FRYL: variants seen among roughly 807,000 people sequenced by gnomAD.
FRYL encodes FRY like transcription coactivator.
FRYL carries 150 observed loss-of-function variants against 351.2 expected under a neutral mutation model. That is an observed-to-expected ratio of 0.43 (90% confidence interval 0.37 to 0.49). The LOEUF (loss-of-function observed/expected upper bound fraction) is 0.49, where lower values mean the gene tolerates loss of function less well. Ranked by LOEUF, FRYL falls within the 20% of genes least tolerant of loss-of-function variation. The pLI is 0.00. For missense variants in FRYL, 3,036 were observed against 3,619.3 expected (o/e 0.84, Z 4.13); for synonymous variants, 1,153 against 1,257.1 (o/e 0.92, Z 1.75).
At position 48,613,556 on chromosome 4, in the gene FRYL, T is replaced by TA. The variant is rs754886964; in HGVS notation, c.412-3734dup. 2.4e-4 allele frequency among the ~76,000 whole-genome samples: 36 copies of TA among 152,346 alleles called. 1 individual carries two copies. The highest frequency in any genetic ancestry group is 1.2e-3 in the East Asian group (6 of 5,192). ...TGTTTATAACACTTGTTAACAGTCT[T>TA]ACAAGACACAGGTATACCTCCTACT... On this transcript the variant is annotated intron_variant, in intron 7 of 63. Transcript: ENST00000358350.
chr4:48,506,554 T>C (rs1419466978), intron 59 of FRYL: 1 of 146,628 alleles, frequency 6.8e-6, no homozygotes, highest in Non-Finnish European at 1.5e-5. Flanking sequence ...CAGTTTGATA[T>C]TATCAGTTGT....
chr4:48,726,491 G>A (rs1201888881), intron 1 of FRYL, among the ~76,000 whole-genome samples: 1 of 152,128 alleles, frequency 6.6e-6, no homozygotes, highest in Non-Finnish European at 1.5e-5. Flanking sequence ...AGACCAGCCT[G>A]GCCAACATGG....
Position 48,775,454 on chromosome 4 carries a change from C to G in FRYL, c.-384+4624G>C, listed in dbSNP as rs369041154. Among the ~76,000 whole-genome samples the G allele has an allele frequency of 1.4e-3, 212 of 152,194 alleles. 1 individual carries two copies. The highest frequency in any genetic ancestry group is 4.5e-3 in the African/African-American group (188 of 41,526). On this transcript the variant is annotated intron_variant, in intron 1 of 63. Coordinates refer to ENST00000358350, the MANE Select transcript of FRYL (RefSeq NM_015030.2). The stretch of plus-strand genomic sequence containing the variant: ...AGATTTTTTTTTCAGCTGATTAGGC[C>G]GCCTGGCTGCTTACAGCTGGGTTTT...
intron 27 of FRYL, among the ~76,000 whole-genome samples, chr4:48,569,293 T>C (rs1182081330): frequency 6.6e-6 from 1 of 152,180 alleles, no homozygotes; most frequent in African/African-American, 2.4e-5. Context: ...GAAAAGAGAA[T>C]AGTATTTCTT....
chr4:48,569,894 C>T (rs555706365), intron 27 of FRYL, among the ~76,000 whole-genome samples: 1 of 152,284 alleles, frequency 6.6e-6, no homozygotes, highest in Admixed American at 6.5e-5. Context: ...CTCACTGTAA[C>T]CTCAATGTCC....
At chr4:48,562,733 C>T (rs1735803978) in intron 32 of FRYL, among the ~76,000 whole-genome samples, 156 bp downstream of exon 32, 1 of 152,112 alleles carries the variant, frequency 6.6e-6, no homozygotes, top group South Asian at 2.1e-4. Flanking sequence ...TTATCTTTGT[C>T]TTATACTTCT....
At chr4:48,575,356 T>C (rs1739377415) in intron 24 of FRYL, 115 bp from the exon 25 acceptor site, 1 of 1,082,114 alleles carries the variant, frequency 9.2e-7, no homozygotes, top group Non-Finnish European at 1.3e-6. Context: ...AACTTTACTA[T>C]GAATGATACC....
rs182866348 is a variant in FRYL at position 48,660,817 on chromosome 4, T to A, written c.-81+23856A>T. 1.4e-4 allele frequency among the ~76,000 whole-genome samples: 21 copies of A among 152,134 alleles called. No individual in the cohort carries two copies. In the East Asian group the frequency reaches 4.1e-3, roughly 29 times the overall value. Reference sequence around the variant, plus strand: ...ACCTTTAAGCCCAGTCTAACCATTATAAAGAAAAAACATGAGACAAATCCA... The same window carrying A: ...ACCTTTAAGCCCAGTCTAACCATTAAAAAGAAAAAACATGAGACAAATCCA... On this transcript the variant is annotated intron_variant, in intron 3 of 63. Transcript: ENST00000358350.
intron 4 of FRYL, among the ~76,000 whole-genome samples, chr4:48,629,122 T>C (rs1252256825): frequency 3.3e-5 from 5 of 151,722 alleles, no homozygotes; most frequent in Non-Finnish European, 7.4e-5. Context: ...CACAATCCTA[T>C]ATTTTATAAT....
chr4:48,592,299 T>G (rs1212177360), intron 16 of FRYL, among the ~76,000 whole-genome samples: 1 of 151,902 alleles, frequency 6.6e-6, no homozygotes, highest in Non-Finnish European at 1.5e-5. Context: ...GTATTGCAAT[T>G]TGCATGTATT....
At chr4:48,598,380 C>T (rs1745034928) in intron 13 of FRYL, among the ~76,000 whole-genome samples, 1 of 152,130 alleles carries the variant, frequency 6.6e-6, no homozygotes, top group Non-Finnish European at 1.5e-5. Context: ...CTTCACAGTG[C>T]ATGCCTGTAT....
At chr4:48,709,853 C>CAGAA (rs1767810194) in intron 2 of FRYL, among the ~76,000 whole-genome samples, 1 of 152,182 alleles carries the variant, frequency 6.6e-6, no homozygotes, top group Admixed American at 6.5e-5. Context: ...TGGTAACTTA[C>CAGAA]TTCTCTATTA....
intron 3 of FRYL, among the ~76,000 whole-genome samples, chr4:48,654,709 A>G (rs1331534723): frequency 1.3e-5 from 2 of 152,238 alleles, no homozygotes; most frequent in African/African-American, 4.8e-5. Context: ...CAAAATGTCA[A>G]TGAATAGCGA....
At chr4:48,744,125 T>C (rs187133164) in intron 1 of FRYL, among the ~76,000 whole-genome samples, 1 of 152,214 alleles carries the variant, frequency 6.6e-6, no homozygotes, top group Non-Finnish European at 1.5e-5. Flanking sequence ...TGACCAAATA[T>C]ATAGAAATAG....
chr4:48,751,238 C>T (rs1000504781), intron 1 of FRYL, among the ~76,000 whole-genome samples: 1 of 151,468 alleles, frequency 6.6e-6, no homozygotes, highest in Non-Finnish European at 1.5e-5. Flanking sequence ...AGGAAATGAC[C>T]TCCCCTCTAT....
rs1340300447 is a variant in FRYL, at chr4:48,573,103, G to A, written c.2904+83C>T. On this transcript the variant is annotated intron_variant, in intron 26 of 63. Coordinates refer to ENST00000358350, the MANE Select transcript of FRYL (RefSeq NM_015030.2). ...AAGAAGAATACACTAGATAGTCTTCGTAATTTCTAACTTTTGATATAACAT... is the reference window on the plus strand; with the variant it reads ...AAGAAGAATACACTAGATAGTCTTCATAATTTCTAACTTTTGATATAACAT... 16 of 1,045,178 alleles carry A rather than the reference G, an allele frequency of 1.5e-5. No homozygotes were observed. The East Asian group carries it at 2.4e-4, about 16-fold the overall frequency. 64.7% of individuals were successfully genotyped at this position (1,045,178 alleles called of 1,614,324 possible). A position where few individuals can be genotyped will look rare whatever the true frequency, so the allele number is the denominator to read the frequency against.
chr4:48,612,840 T>C (rs555653668), intron 7 of FRYL, among the ~76,000 whole-genome samples: 2 of 152,062 alleles, frequency 1.3e-5, no homozygotes, highest in African/African-American at 2.4e-5. Context: ...CCACTTGCCT[T>C]GGCCTCCCAA....
In FRYL at chr4:48,761,006, T is replaced by TGTG. The variant is rs201845086; in HGVS notation, c.-384+19071_-384+19072insCAC. On this transcript the variant is annotated intron_variant, in intron 1 of 63. Transcript: ENST00000358350. ...CTCGCTACTCTCTATTATTACTCTG[T>TGTG]CTGTGTGTGTGTGTGTGTGTGTGTG... is the stretch of plus-strand genomic sequence containing the variant. Among the ~76,000 whole-genome samples, 7 of 110,480 alleles carry TGTG rather than the reference T, an allele frequency of 6.3e-5. No homozygotes were observed. In the East Asian group the frequency reaches 1.7e-3, roughly 26 times the overall value. The allele number at this position is 110,480 out of a possible 152,430, so 72.5% of individuals were successfully genotyped here. A position where few individuals can be genotyped will look rare whatever the true frequency, so the allele number is the denominator to read the frequency against.
chr4:48,761,261 T>C (rs573250771), intron 1 of FRYL, among the ~76,000 whole-genome samples: 1 of 152,316 alleles, frequency 6.6e-6, no homozygotes, highest in South Asian at 2.1e-4. Flanking sequence ...GGTAAAATTA[T>C]GTGAAAAGGT....
Sources: allele counts gnomAD v4.1 joint callset (sites outside exome capture counted in the v4.1 genomes callset), GRCh38; gene constraint gnomAD v4.1.1; transcripts MANE v1.5; gene names NCBI Gene and HGNC (gene_info 2026-07-23, HGNC 2026-07-21).